Variants in NTM observed in about 807,000 individuals in gnomAD.
NTM encodes the protein IgLON family member 2.
A neutral mutation model predicts 42.1 loss-of-function variants in NTM; 13 were observed. The ratio of observed to expected loss-of-function variants is 0.31; its 90% CI spans 0.20 to 0.49. The LOEUF (loss-of-function observed/expected upper bound fraction) is 0.49, where lower values mean the gene tolerates loss of function less well. Ranked by LOEUF, NTM falls within the 20% of genes least tolerant of loss-of-function variation. The pLI, the probability that NTM is intolerant of heterozygous loss-of-function variation, is 0.99. For synonymous variants in NTM, 187 were observed against 179.2 expected, an observed-to-expected ratio of 1.04 and a Z score of -0.35; for missense variants, 373 against 452.8, an observed-to-expected ratio of 0.82 and a Z score of 1.60.
chr11:131,594,440 G>A (rs1201701125), intron 1 of NTM, among the ~76,000 whole-genome samples: 1 of 151,972 alleles, frequency 6.6e-6, no homozygotes, highest in Non-Finnish European at 1.5e-5. Context: ...CTGTCACCCA[G>A]GCTGGAATGC....
chr11:132,189,108 G>A (rs995711149), intron 3 of NTM, among the ~76,000 whole-genome samples: 1 of 152,114 alleles, frequency 6.6e-6, no homozygotes, highest in Non-Finnish European at 1.5e-5. Flanking sequence ...TTGGGAAGGG[G>A]GGCAGGTGGT....
At chr11:131,524,074 T>A (rs1308924180) in intron 1 of NTM, among the ~76,000 whole-genome samples, 2 of 152,136 alleles carry the variant, frequency 1.3e-5, no homozygotes, top group South Asian at 2.1e-4. Context: ...GATTTGTGGA[T>A]GGGGAATTTG....
intron 4 of NTM, among the ~76,000 whole-genome samples, chr11:132,222,698 G>T (rs1012298134): frequency 2.0e-5 from 3 of 152,074 alleles, no homozygotes; most frequent in Non-Finnish European, 4.4e-5. Flanking sequence ...TCCCTGGGAG[G>T]CTCATCTTGC....
intron 1 of NTM, among the ~76,000 whole-genome samples, chr11:131,908,930 A>T (rs2054264267): frequency 6.6e-6 from 1 of 152,192 alleles, no homozygotes; most frequent in African/African-American, 2.4e-5. Flanking sequence ...CTGATAGTAA[A>T]GTCATTTGTT....
intron 1 of NTM, among the ~76,000 whole-genome samples, chr11:131,722,361 C>G (rs2078465544): frequency 6.6e-6 from 1 of 152,154 alleles, no homozygotes. Flanking sequence ...AAAATGGCAG[C>G]CTTCCTGTTG....
At chr11:132,043,835 G>A (rs2077522918) in intron 2 of NTM, among the ~76,000 whole-genome samples, 1 of 152,164 alleles carries the variant, frequency 6.6e-6, no homozygotes, top group East Asian at 1.9e-4. Context: ...TTGGTGGTAT[G>A]AAATATATCA....
intron 2 of NTM, among the ~76,000 whole-genome samples, chr11:132,082,664 A>G (rs1228590113): frequency 6.6e-6 from 1 of 152,166 alleles, no homozygotes; most frequent in Non-Finnish European, 1.5e-5. Flanking sequence ...AAAGAAGTAC[A>G]TATAACTGCT....
intron 7 of NTM, among the ~76,000 whole-genome samples, chr11:132,316,279 A>T (rs949226736): frequency 6.6e-6 from 1 of 152,184 alleles, no homozygotes; most frequent in Admixed American, 6.5e-5. Context: ...GTAAGAGTTG[A>T]ATAGATGACA....
rs36098329 is a variant in NTM, at chr11:131,500,290, G to T, written c.82+129402G>T. Among the ~76,000 whole-genome samples the T allele has an allele frequency of 2.8e-3, 425 of 152,168 alleles. 3 individuals carry two copies. Among genetic ancestry groups the T allele is most frequent in the Non-Finnish European group, 4.5e-3 (307 of 68,000 alleles). ...TTTGAACAGGTTGTACATTTTACTG[G>T]CACAGATTAGAACTTTATTCCCAGA... On this transcript the variant is annotated intron_variant, in intron 1 of 8. Transcript: ENST00000683400.
chr11:131,937,485 G>T (rs989984809), intron 2 of NTM, among the ~76,000 whole-genome samples: 1 of 152,200 alleles, frequency 6.6e-6, no homozygotes, highest in Non-Finnish European at 1.5e-5. Context: ...GCCTGGAGAT[G>T]CAGCGATGCC....
intron 1 of NTM, among the ~76,000 whole-genome samples, chr11:131,474,526 T>A (rs1591773084): frequency 6.6e-6 from 1 of 152,264 alleles, no homozygotes; most frequent in South Asian, 2.1e-4. Flanking sequence ...AGGTACCATA[T>A]GCCTCAGGCT....
At chr11:132,004,981 C>T (rs867473845) in intron 2 of NTM, among the ~76,000 whole-genome samples, 3 of 152,070 alleles carry the variant, frequency 2.0e-5, no homozygotes, top group South Asian at 2.1e-4. Context: ...AGAATGACAA[C>T]GGGATGCTAG....
At chr11:132,054,415 T>G (rs2079302527) in intron 2 of NTM, among the ~76,000 whole-genome samples, 2 of 152,226 alleles carry the variant, frequency 1.3e-5, no homozygotes, top group African/African-American at 4.8e-5. Flanking sequence ...TGTCTGCGCT[T>G]ACTACTGGAT....
At chr11:131,852,893 TCCAC>T (rs1465374545) in intron 1 of NTM, among the ~76,000 whole-genome samples, 5 of 145,550 alleles carry the variant, frequency 3.4e-5, no homozygotes, top group Admixed American at 2.0e-4. Flanking sequence ...CATCCATCCA[TCCAC>T]CCACCCATCC....
At chr11:131,736,256 G>A (rs1275259267) in intron 1 of NTM, among the ~76,000 whole-genome samples, 5 of 152,114 alleles carry the variant, frequency 3.3e-5, no homozygotes, top group Non-Finnish European at 1.5e-5. Flanking sequence ...TTAGTTCTAC[G>A]CCATCAAGCT....
chr11:131,396,986 A>C (rs1212452899), intron 1 of NTM, among the ~76,000 whole-genome samples: 1 of 151,942 alleles, frequency 6.6e-6, no homozygotes, highest in Non-Finnish European at 1.5e-5. Context: ...AAATCCTGTG[A>C]TTTTATTGCT....
chr11:131,833,106 T>G (rs1396867284), intron 1 of NTM, among the ~76,000 whole-genome samples: 1 of 152,370 alleles, frequency 6.6e-6, no homozygotes, highest in African/African-American at 2.4e-5. Flanking sequence ...GGATGTATTT[T>G]GAACAGAAAT....
chr11:131,736,342 A>G (rs559277576), intron 1 of NTM, among the ~76,000 whole-genome samples: 2 of 152,178 alleles, frequency 1.3e-5, no homozygotes, highest in East Asian at 1.9e-4. Context: ...CCTGCCTTCC[A>G]GTAACCCTCC....
intron 2 of NTM, among the ~76,000 whole-genome samples, chr11:131,959,973 T>C (rs2061968736): frequency 6.6e-6 from 1 of 152,226 alleles, no homozygotes; most frequent in Non-Finnish European, 1.5e-5. Context: ...TACTAGAGAT[T>C]GCACAGACCT....
Sources: allele counts gnomAD v4.1 joint callset (sites outside exome capture counted in the v4.1 genomes callset), GRCh38; gene constraint gnomAD v4.1.1; transcripts MANE v1.5; gene names NCBI Gene and HGNC (gene_info 2026-07-23, HGNC 2026-07-21).